Variants in CTTN observed in about 807,000 individuals in gnomAD.
CTTN encodes the protein cortactin, also known as src substrate cortactin.
In CTTN, 28 loss-of-function variants were observed where a neutral mutation model predicts 84.0. The observed-to-expected ratio is 0.33, with a 90% CI of 0.25 to 0.46. The LOEUF is 0.46. Ranked by LOEUF, CTTN falls within the 20% of genes least tolerant of loss-of-function variation. The pLI, the probability that CTTN is intolerant of heterozygous loss-of-function variation, is 1.00. For missense variants in CTTN, 641 were observed against 723.8 expected (o/e 0.89, Z 1.31); for synonymous variants, 301 against 288.8 (o/e 1.04, Z -0.43).
rs138021614 is a variant in CTTN at position 70,429,123 on chromosome 11, G to C, written c.1100G>C (p.Arg367Pro). 1 of 1,614,148 alleles carries C rather than the reference G, an allele frequency of 6.2e-7. No individual in the cohort carries two copies. ...AAGGAGAAAGAGCAGGAGGACAGGC[G>C]GAAGGCGGAGGCGGAGAGAGCCCAG... ...LAKEKEQEDR[R>P]KAEAERAQRM... The change falls in exon 14 of 18, where the codon CGG becomes CCG. Residue 367 changes from arginine to proline, a missense_variant. Arg to Pro is a moderately radical substitution (Grantham distance 103). Around this residue, in one of 3 missense-constraint regions of CTTN, gnomAD observed 289 missense variants for 273.1 expected, o/e 1.06. Coordinates refer to ENST00000301843, the MANE Select transcript of CTTN (RefSeq NM_005231.4).
chr11:70,418,670 G>T (rs1380674906), intron 8 of CTTN, among the ~76,000 whole-genome samples: 1 of 152,138 alleles, frequency 6.6e-6, no homozygotes, highest in African/African-American at 2.4e-5. Flanking sequence ...TGAAAGCCTT[G>T]CCCTTCTGCT....
intron 5 of CTTN, among the ~76,000 whole-genome samples, chr11:70,411,325 G>A (rs1404423777): frequency 8.2e-6 from 1 of 121,434 alleles, no homozygotes; most frequent in Admixed American, 8.1e-5. Context: ...TCAGTGCAGC[G>A]AGCGAAGCGT....
intron 15 of CTTN, 69 bp downstream of exon 15, chr11:70,431,349 T>C: frequency 6.6e-7 from 1 of 1,506,632 alleles, no homozygotes; most frequent in South Asian, 1.1e-5. Context: ...GTTTGTGGAG[T>C]GGAGGAAGCC....
chr11:70,410,996 G>C (rs906287784), intron 5 of CTTN, among the ~76,000 whole-genome samples: 3 of 152,184 alleles, frequency 2.0e-5, no homozygotes, highest in Non-Finnish European at 4.4e-5. Context: ...CCTGGGGGAG[G>C]AGTGGGGTGA....
At chr11:70,430,869 T>C (rs914422446) in intron 14 of CTTN, among the ~76,000 whole-genome samples, 2 of 151,176 alleles carry the variant, frequency 1.3e-5, no homozygotes, top group Admixed American at 1.3e-4. Context: ...GATCTCGGCC[T>C]CAGAGCACAC....
At chr11:70,426,979 A>C (rs1591448335) in intron 13 of CTTN, among the ~76,000 whole-genome samples, 1 of 150,850 alleles carries the variant, frequency 6.6e-6, no homozygotes, top group Non-Finnish European at 1.5e-5. Context: ...CAAGTGATCC[A>C]CCTGCCTCGG....
chr11:70,421,767 T>A, intron 11 of CTTN, 187 bp downstream of exon 11: 1 of 592,060 alleles, frequency 1.7e-6, no homozygotes, highest in African/African-American at 1.9e-5. Flanking sequence ...AGTGGTTCAC[T>A]TTCTTCCCTG....
At chr11:70,412,029 C>G (rs999616950) in intron 5 of CTTN, among the ~76,000 whole-genome samples, 1 of 151,900 alleles carries the variant, frequency 6.6e-6, no homozygotes, top group African/African-American at 2.4e-5. Flanking sequence ...GCTGTCCTAG[C>G]AGGGCGAGTC....
chr11:70,436,419 T>C lies in CTTN; in HGVS notation c.*1257T>C, dbSNP rs1174217294. ...CCGGAGTGCCCGTGAAGCGTGTTTT[T>C]GCTCCTGAGGTGCATTTTCTCATCA... On this transcript the variant is annotated 3_prime_UTR_variant, in exon 18 of 18. Transcript: ENST00000301843. The C allele has an allele frequency of 1.3e-6, 2 of 1,597,528 alleles. No homozygotes were observed. Among genetic ancestry groups the C allele is most frequent in the Admixed American group, 3.3e-5 (2 of 59,854 alleles).
chr11:70,423,089 G>T, intron 12 of CTTN, 94 bp downstream of exon 12: 2 of 1,456,364 alleles, frequency 1.4e-6, no homozygotes, highest in Non-Finnish European at 1.9e-6. Flanking sequence ...ACGCGCTGGG[G>T]TGGGGCACAA....
rs753410373 is a variant in CTTN, at chr11:70,435,556, G to A, written c.*394G>A. 3 of 1,576,514 alleles carry A rather than the reference G, an allele frequency of 1.9e-6. No individual in the cohort carries two copies. The highest frequency in any genetic ancestry group is 1.7e-4 in the Middle Eastern group (1 of 6,058). On this transcript the variant is annotated 3_prime_UTR_variant, in exon 18 of 18. Coordinates refer to ENST00000301843, the MANE Select transcript of CTTN (RefSeq NM_005231.4). ...TCCCAGGACAAGCACGAGGCCTCAGGTCGGCCCTGTGGCGGGTAGGCAGGA... is the reference window on the plus strand; with the variant it reads ...TCCCAGGACAAGCACGAGGCCTCAGATCGGCCCTGTGGCGGGTAGGCAGGA...
Position 70,414,404 on chromosome 11 carries a change from G to A in CTTN, c.292-138G>A, listed in dbSNP as rs535151063. On this transcript the variant is annotated intron_variant, in intron 5 of 17. Transcript: ENST00000301843. ...TCCCAGGAGTCGTGTCGCCTTCCTT[G>A]GCTCCCCAGATGGGTGTGTTAATGT... 29 of 567,230 alleles carry A rather than the reference G, an allele frequency of 5.1e-5. No homozygotes were observed. The South Asian group carries it at 6.7e-4, about 13-fold the overall frequency. The allele number at this position is 567,230 out of a possible 1,614,324, so 35.1% of individuals were successfully genotyped here. A position where few individuals can be genotyped will look rare whatever the true frequency, so the allele number is the denominator to read the frequency against.
In CTTN at chr11:70,422,055, T is replaced by C. The variant is rs2058242533; in HGVS notation, c.901+475T>C. The C allele has an allele frequency of 4.1e-5, 9 of 222,012 alleles. No homozygotes were observed. The South Asian group carries it at 6.4e-4, about 16-fold the overall frequency. The allele number at this position is 222,012 out of a possible 1,614,324, so 13.8% of individuals were successfully genotyped here. A position where few individuals can be genotyped will look rare whatever the true frequency, so the allele number is the denominator to read the frequency against. The stretch of plus-strand genomic sequence containing the variant: ...ACAGGCGTGTTCTGTGTGGTTTCTG[T>C]GTTTCATTTGTGGTGGTGTTTTTGG... On this transcript the variant is annotated intron_variant, in intron 11 of 17. Transcript: ENST00000301843.
intron 4 of CTTN, 93 bp downstream of exon 4, chr11:70,407,684 C>T (rs986386878): frequency 1.8e-5 from 20 of 1,121,468 alleles, no homozygotes; most frequent in Middle Eastern, 2.9e-4. Flanking sequence ...AGGGACAGCC[C>T]GTGTGGAAAC....
rs11825335 is a variant in CTTN, at chr11:70,405,552, C to G, written c.-1+191C>G. Among the ~76,000 whole-genome samples, 1,451 of 152,242 alleles carry G rather than the reference C, an allele frequency of 9.5e-3. 34 individuals carry two copies. The highest frequency in any genetic ancestry group is 0.033 in the African/African-American group (1,384 of 41,540). Reference sequence around the variant, plus strand: ...TCTGTTGCATATGACTTAGAGGAGACAATTGCAGAAAACTCTGGAATTGAG... The same window carrying G: ...TCTGTTGCATATGACTTAGAGGAGAGAATTGCAGAAAACTCTGGAATTGAG... On this transcript the variant is annotated intron_variant, in intron 2 of 17. Transcript: ENST00000301843.
Position 70,433,159 on chromosome 11 carries a change from C to T in CTTN, c.1325C>T (p.Pro442Leu), listed in dbSNP as rs374031706. The T allele has an allele frequency of 1.6e-5, 26 of 1,613,672 alleles. No individual in the cohort carries two copies. Among genetic ancestry groups the T allele is most frequent in the Admixed American group, 3.3e-5 (2 of 60,000 alleles). Residue 442 changes from proline to leucine, a missense_variant, in exon 16 of 18, where the codon CCG becomes CTG. Coordinates refer to ENST00000301843, the MANE Select transcript of CTTN (RefSeq NM_005231.4). ...AGAGGCCCTGTGAGTGGGACGGAGC[C>T]GGAGCCCGTGTACAGCATGGAGGCC... The part of the protein sequence containing the change: ...SYRGPVSGTE[P>L]EPVYSMEAAD...
Position 70,435,081 on chromosome 11 carries a change from G to T in CTTN, c.1572G>T (p.Met524Ile). The change falls in exon 18 of 18, where the codon ATG becomes ATT. Residue 524 changes from methionine to isoleucine, a missense_variant. Met to Ile is a conservative substitution (Grantham distance 10). This residue lies in a region of CTTN where 68 missense variants were observed against 102.2 expected (regional missense o/e 0.67). Coordinates refer to ENST00000301843, the MANE Select transcript of CTTN (RefSeq NM_005231.4). ...DPDDIITNIE[M>I]IDDGWWRGVC... ...ATGACATCATCACCAACATCGAGAT[G>T]ATTGACGACGGCTGGTGGCGCGGGG... 6.2e-7 allele frequency: 1 copy of T among 1,614,044 alleles called. No homozygotes were observed. Among genetic ancestry groups the T allele is most frequent in the Admixed American group, 1.7e-5 (1 of 60,024 alleles).
At chr11:70,399,483 C>T (rs1407923587) in intron 1 of CTTN, among the ~76,000 whole-genome samples, 3 of 151,966 alleles carry the variant, frequency 2.0e-5, no homozygotes, top group Non-Finnish European at 4.4e-5. Flanking sequence ...CCGGCCTGCA[C>T]CTGAGCGGAG....
At chr11:70,409,707 ACATCAGATAAG>A (rs2135557538) in intron 4 of CTTN, 113 bp from the exon 5 acceptor site, 1 of 1,096,566 alleles carries the variant, frequency 9.1e-7, no homozygotes, top group East Asian at 2.4e-5. Flanking sequence ...GAATCGGTGA[ACATCAGATAAG>A]CAGATTTACA....
Sources: gnomAD v4.1 joint callset for allele counts (sites outside exome capture counted in the v4.1 genomes callset) on GRCh38, gnomAD v4.1.1 for gene constraint, gnomAD v4.1.1 regional missense constraint, MANE v1.5 for transcripts, NCBI Gene and HGNC (gene_info 2026-07-23, HGNC 2026-07-21) for gene names.